Variants in CPNE8 observed in about 807,000 individuals in gnomAD.
CPNE8 encodes the protein copine 8, also known as copine-8.
Under a neutral mutation model 81.5 loss-of-function variants are expected in CPNE8, and 45 were observed. That is an observed-to-expected ratio of 0.55 (90% CI 0.44 to 0.71). The LOEUF is 0.71. Among genes scored for constraint, CPNE8 ranks in the 30% least tolerant of loss-of-function variants. The pLI is 0.00. For missense variants in CPNE8, 594 were observed against 672.1 expected, an observed-to-expected ratio of 0.88 and a Z score of 1.28; for synonymous variants, 252 against 226.3, an observed-to-expected ratio of 1.11 and a Z score of -1.02.
intron 10 of CPNE8, among the ~76,000 whole-genome samples, chr12:38,740,584 C>A (rs1035407450): frequency 2.6e-5 from 4 of 151,856 alleles, no homozygotes; most frequent in Admixed American, 6.6e-5. Flanking sequence ...ACCTAATTGA[C>A]AGTTTTTAGC....
At chr12:38,670,246 T>C (rs532676962) in intron 19 of CPNE8, among the ~76,000 whole-genome samples, 2 of 152,302 alleles carry the variant, frequency 1.3e-5, no homozygotes, top group Admixed American at 1.3e-4. Flanking sequence ...TTCCTTTTCC[T>C]ATCCAAAAAG....
At chr12:38,754,979 G>T (rs150171941) in intron 10 of CPNE8, among the ~76,000 whole-genome samples, 1,624 of 152,162 alleles carry the variant, frequency 0.011, 32 homozygotes, top group African/African-American at 0.036. Context: ...AATATAAAAG[G>T]TTTACAAATG....
intron 6 of CPNE8, among the ~76,000 whole-genome samples, chr12:38,794,657 A>T (rs1942411644): frequency 6.6e-6 from 1 of 152,170 alleles, no homozygotes; most frequent in Admixed American, 6.5e-5. Context: ...CTATAAAAAA[A>T]AAAAACAGAA....
At chr12:38,788,547 C>T (rs1942251055) in intron 6 of CPNE8, among the ~76,000 whole-genome samples, 1 of 151,808 alleles carries the variant, frequency 6.6e-6, no homozygotes, top group African/African-American at 2.4e-5. Flanking sequence ...AGATCTGGAA[C>T]ACAATAAGAT....
In CPNE8 at chr12:38,861,513, A is replaced by G. The variant is rs11169841; in HGVS notation, c.186+11491T>C. Among the ~76,000 whole-genome samples the G allele has an allele frequency of 5.1e-3, 781 of 152,278 alleles. 7 individuals carry two copies. Among genetic ancestry groups the G allele is most frequent in the African/African-American group, 0.018 (751 of 41,582 alleles). On this transcript the variant is annotated intron_variant, in intron 3 of 19. Transcript: ENST00000331366. The stretch of plus-strand genomic sequence containing the variant: ...CACAGAACATCAATCTTGAATGACT[A>G]ATACCAAGATACAGTCTAGTGAAAG...
intron 6 of CPNE8, 35 bp from the exon 7 acceptor site, chr12:38,776,336 A>ATTTT: frequency 1.2e-6 from 1 of 840,430 alleles, no homozygotes; most frequent in Non-Finnish European, 1.8e-6. Context: ...ATACATTAAT[A>ATTTT]TGTTATATTA....
intron 12 of CPNE8, among the ~76,000 whole-genome samples, chr12:38,724,325 A>G (rs1028213636): frequency 2.0e-5 from 3 of 151,186 alleles, no homozygotes; most frequent in African/African-American, 7.3e-5. Context: ...ACCTTAAGAA[A>G]AAACTCTGCA....
intron 6 of CPNE8, among the ~76,000 whole-genome samples, chr12:38,819,875 T>C (rs1943086513): frequency 6.6e-6 from 1 of 152,072 alleles, no homozygotes; most frequent in South Asian, 2.1e-4. Flanking sequence ...GTGATGCTTA[T>C]GTTCCAAGGT....
rs188572353 is a variant in CPNE8, at chr12:38,832,450, C to A, written c.331-2995G>T. 2.6e-5 allele frequency among the ~76,000 whole-genome samples: 4 copies of A among 152,280 alleles called. No homozygotes were observed. The East Asian group carries it at 7.7e-4, about 29-fold the overall frequency. The stretch of plus-strand genomic sequence containing the variant: ...CCCATAATGGCAGACATGAAAAGCA[C>A]AGACATCTGCTGAGAAGGAAAACAG... On this transcript the variant is annotated intron_variant, in intron 5 of 19. Transcript: ENST00000331366.
At chr12:38,687,352 A>C (rs1452653899) in intron 15 of CPNE8, among the ~76,000 whole-genome samples, 1 of 150,394 alleles carries the variant, frequency 6.6e-6, no homozygotes, top group Non-Finnish European at 1.5e-5. Flanking sequence ...TATGCTACCA[A>C]ATTACGAAAT....
intron 18 of CPNE8, 72 bp downstream of exon 18, chr12:38,675,645 C>G (rs1939270677): frequency 1.0e-6 from 1 of 975,856 alleles, no homozygotes; most frequent in Non-Finnish European, 1.6e-6. Flanking sequence ...ACAAGAATGG[C>G]AGAAACCCAA....
At chr12:38,772,928 T>TACAC (rs36058381) in intron 7 of CPNE8, among the ~76,000 whole-genome samples, 14,710 of 150,934 alleles carry the variant, frequency 0.097, 784 homozygotes, top group East Asian at 0.21. Context: ...ATAAAATTTA[T>TACAC]ACACACACAC....
chr12:38,845,323 G>A (rs528708848), intron 4 of CPNE8, among the ~76,000 whole-genome samples: 6 of 152,178 alleles, frequency 3.9e-5, no homozygotes, highest in African/African-American at 1.2e-4. Context: ...ATTCTGGTAC[G>A]TGTGTGTACG....
At chr12:38,777,992 T>C (rs1941970045) in intron 6 of CPNE8, among the ~76,000 whole-genome samples, 1 of 152,210 alleles carries the variant, frequency 6.6e-6, no homozygotes, top group Non-Finnish European at 1.5e-5. Flanking sequence ...GAGAATCTAA[T>C]GCCTGATGAT....
chr12:38,723,154 T>A (rs1456924528), intron 13 of CPNE8, among the ~76,000 whole-genome samples: 1 of 152,072 alleles, frequency 6.6e-6, no homozygotes, highest in Non-Finnish European at 1.5e-5. Context: ...TTGGTAAGGT[T>A]AAGAAAAGGA....
chr12:38,833,458 T>G, intron 5 of CPNE8, among the ~76,000 whole-genome samples: 1 of 148,152 alleles, frequency 6.7e-6, no homozygotes, highest in Admixed American at 6.8e-5. Context: ...AACAAGTAGA[T>G]GATCAGTGAC....
At chr12:38,725,750 C>T (rs1179508816) in intron 11 of CPNE8, among the ~76,000 whole-genome samples, 1 of 152,140 alleles carries the variant, frequency 6.6e-6, no homozygotes, top group Admixed American at 6.5e-5. Context: ...GGGCAGAGAG[C>T]CCACACAACC....
At chr12:38,782,066 T>C (rs974769787) in intron 6 of CPNE8, among the ~76,000 whole-genome samples, 1 of 152,126 alleles carries the variant, frequency 6.6e-6, no homozygotes, top group Non-Finnish European at 1.5e-5. Flanking sequence ...AATAGTAATA[T>C]ATGTACCACT....
At chr12:38,847,237 G>A (rs1402137624) in intron 4 of CPNE8, among the ~76,000 whole-genome samples, 3 of 151,816 alleles carry the variant, frequency 2.0e-5, no homozygotes. Context: ...GAAAAAGAAA[G>A]GAAAAAACAA....
Sources: gnomAD v4.1 joint callset for allele counts (sites outside exome capture counted in the v4.1 genomes callset) on GRCh38, gnomAD v4.1.1 for gene constraint, MANE v1.5 for transcripts, NCBI Gene and HGNC (gene_info 2026-07-23, HGNC 2026-07-21) for gene names.